The following DNM1 variants were observed in gnomAD, a reference collection of about 807,000 sequenced individuals.
DNM1 encodes the protein dynamin 1.
A neutral mutation model predicts 104.6 loss-of-function variants in DNM1; 29 were observed. The observed-to-expected ratio is 0.28, with a 90% confidence interval of 0.21 to 0.38. The LOEUF (loss-of-function observed/expected upper bound fraction) is 0.38, where lower values mean the gene tolerates loss of function less well. Among genes scored for constraint, DNM1 ranks in the 10% least tolerant of loss-of-function variants. The pLI, the probability that DNM1 is intolerant of heterozygous loss-of-function variation, is 1.00. For synonymous variants in DNM1, 445 were observed against 475.8 expected, an observed-to-expected ratio of 0.94 and a Z score of 0.84; for missense variants, 640 against 1,189.4, an observed-to-expected ratio of 0.54 and a Z score of 6.79.
At position 128,254,514 on chromosome 9, in the gene DNM1, C is replaced by T; in HGVS notation, c.2535-140C>T. On this transcript the variant is annotated intron_variant, in intron 21 of 21. Transcript: ENST00000372923. The surrounding 1 kb of genome is among the most constrained non-coding windows in gnomAD (Gnocchi z 6.1). ...CCCTTTTCCAGGAACCTTGCCACACCCACACCTGCAGCCTCCCCTCCCCGG... is the reference window on the plus strand; with the variant it reads ...CCCTTTTCCAGGAACCTTGCCACACTCACACCTGCAGCCTCCCCTCCCCGG... 1 of 1,540,684 alleles carries T rather than the reference C, an allele frequency of 6.5e-7. No homozygotes were observed. The highest frequency in any genetic ancestry group is 1.2e-5 in the South Asian group (1 of 85,882).
At position 128,247,543 on chromosome 9, in the gene DNM1, C is replaced by T; in HGVS notation, c.1893+57C>T. On this transcript the variant is annotated intron_variant, in intron 17 of 21. Transcript: ENST00000372923. This position sits in a 1 kb window ranked among gnomAD's most constrained non-coding sequence, Gnocchi z 5.1. ...GCATGATCCTAGGGCCCCTGGGGCA[C>T]CATCCTCAGTGATGCCAAGTCATGC... The T allele has an allele frequency of 7.4e-7, 1 of 1,344,244 alleles. No homozygotes were observed. Among genetic ancestry groups the T allele is most frequent in the Non-Finnish European group, 1.1e-6 (1 of 950,790 alleles). 83.3% of individuals were successfully genotyped at this position (1,344,244 alleles called of 1,614,324 possible).
Position 128,254,170 on chromosome 9 carries a change from C to A in DNM1, c.2535-484C>A, listed in dbSNP as rs1368441063. Reference sequence around the variant, plus strand: ...TGGGTTTTCTGAACACCCAGAGGGGCCTCCGGCGCTCCCTCCAGCCATCCC... The same window carrying A: ...TGGGTTTTCTGAACACCCAGAGGGGACTCCGGCGCTCCCTCCAGCCATCCC... On this transcript the variant is annotated intron_variant, in intron 21 of 21. Coordinates refer to ENST00000372923, the MANE Select transcript of DNM1 (RefSeq NM_004408.4). The surrounding 1 kb of genome is among the most constrained non-coding windows in gnomAD (Gnocchi z 6.1). The A allele has an allele frequency of 2.3e-6, 3 of 1,309,740 alleles. No homozygotes were observed. Among genetic ancestry groups the A allele is most frequent in the Non-Finnish European group, 1.9e-6 (2 of 1,036,700 alleles). The allele number at this position is 1,309,740 out of a possible 1,614,324, so 81.1% of individuals were successfully genotyped here.
In DNM1 at chr9:128,218,943, C is replaced by A; in HGVS notation, c.386-106C>A. 7 of 1,379,362 alleles carry A rather than the reference C, an allele frequency of 5.1e-6. No homozygotes were observed. Among genetic ancestry groups the A allele is most frequent in the Non-Finnish European group, 6.0e-6 (6 of 1,006,846 alleles). 85.4% of individuals were successfully genotyped at this position (1,379,362 alleles called of 1,614,324 possible). A position where few individuals can be genotyped will look rare whatever the true frequency, so the allele number is the denominator to read the frequency against. On this transcript the variant is annotated intron_variant, in intron 3 of 21. Coordinates refer to ENST00000372923, the MANE Select transcript of DNM1 (RefSeq NM_004408.4). This position sits in a 1 kb window ranked among gnomAD's most constrained non-coding sequence, Gnocchi z 4.8. The stretch of plus-strand genomic sequence containing the variant: ...CCCTGAGATTTCCTAGTCCCACCCA[C>A]CTGCCACCCTGCTCCCAAGCAGCTT...
intron 10 of DNM1, among the ~76,000 whole-genome samples, chr9:128,226,432 C>A (rs961036193): frequency 6.6e-6 from 1 of 152,390 alleles, no homozygotes; most frequent in South Asian, 2.1e-4. Flanking sequence ...GAGATGGCAG[C>A]TGTTTACTGA....
intron 1 of DNM1, among the ~76,000 whole-genome samples, chr9:128,207,163 G>A (rs924703835): frequency 6.6e-6 from 1 of 152,118 alleles, no homozygotes; most frequent in African/African-American, 2.4e-5. Flanking sequence ...AGCAGACTGG[G>A]GGGATGGGGG....
intron 12 of DNM1, 102 bp from the exon 13 acceptor site, chr9:128,239,626 G>A: frequency 1.6e-6 from 2 of 1,261,492 alleles, no homozygotes; most frequent in Non-Finnish European, 2.3e-6. Flanking sequence ...GTAGAGCCCA[G>A]GTCTGCTAGG....
Position 128,248,511 on chromosome 9 carries a change from T to G in DNM1, c.1906-72T>G. The stretch of plus-strand genomic sequence containing the variant: ...ATATTCTGGGTACCCTTGGAGGGGC[T>G]GAGATCCTGGGGATGCCTGGAGCCT... On this transcript the variant is annotated intron_variant, in intron 18 of 21. Coordinates refer to ENST00000372923, the MANE Select transcript of DNM1 (RefSeq NM_004408.4). This position sits in a 1 kb window ranked among gnomAD's most constrained non-coding sequence, Gnocchi z 5.6. 4.7e-5 allele frequency: 73 copies of G among 1,547,654 alleles called. No homozygotes were observed. Among genetic ancestry groups the G allele is most frequent in the Non-Finnish European group, 5.6e-5 (63 of 1,131,360 alleles).
intron 1 of DNM1, among the ~76,000 whole-genome samples, chr9:128,207,159 C>G (rs1157769662): frequency 1.3e-5 from 2 of 151,896 alleles, no homozygotes; most frequent in East Asian, 1.9e-4. Flanking sequence ...GAGGAGCAGA[C>G]TGGGGGGATG....
rs2502819 is a variant in DNM1, at chr9:128,211,941, T to A, written c.162-6290T>A. Reference sequence around the variant, plus strand: ...AACGTATCTAGTCATGACTGTGTTATTCTTTAATCACTCTGTCTCATGTGC... The same window carrying A: ...AACGTATCTAGTCATGACTGTGTTAATCTTTAATCACTCTGTCTCATGTGC... On this transcript the variant is annotated intron_variant, in intron 1 of 21. Coordinates refer to ENST00000372923, the MANE Select transcript of DNM1 (RefSeq NM_004408.4). 6.5e-3 allele frequency among the ~76,000 whole-genome samples: 988 copies of A among 152,314 alleles called. 7 individuals are homozygous for A. Among genetic ancestry groups the A allele is most frequent in the South Asian group, 0.011 (52 of 4,830 alleles).
At position 128,220,268 on chromosome 9, in the gene DNM1, T is replaced by G; in HGVS notation, c.776T>G (p.Phe259Cys). ...TAALAAERKFFLSHPSYRHLA... is the reference protein window; with the variant it reads ...TAALAAERKFCLSHPSYRHLA... ...GCCTTGGCTGCTGAACGAAAGTTCT[T>G]CCTCTCCCATCCATCTTATCGCCAC... Residue 259 changes from phenylalanine to cysteine, a missense_variant, in exon 6 of 22, where the codon TTC becomes TGC. Physicochemically the swap from Phe to Cys is radical, Grantham distance 205 (BLOSUM62 -2). Transcript: ENST00000372923. This position sits in a 1 kb window ranked among gnomAD's most constrained non-coding sequence, Gnocchi z 5.2. The G allele has an allele frequency of 6.2e-7, 1 of 1,614,244 alleles. No individual in the cohort carries two copies. Among genetic ancestry groups the G allele is most frequent in the Non-Finnish European group, 8.5e-7 (1 of 1,180,024 alleles).
intron 1 of DNM1, among the ~76,000 whole-genome samples, chr9:128,213,227 G>A (rs549455486): frequency 1.3e-5 from 2 of 151,988 alleles, no homozygotes; most frequent in East Asian, 3.9e-4. Flanking sequence ...GACTACAGGC[G>A]CACGCCACCA....
chr9:128,225,468 T>C (rs1198249748), intron 10 of DNM1, among the ~76,000 whole-genome samples: 1 of 152,156 alleles, frequency 6.6e-6, no homozygotes, highest in Non-Finnish European at 1.5e-5. Flanking sequence ...AGTTGTGCAG[T>C]GCATGGCCTG....
intron 20 of DNM1, 114 bp from the exon 21 acceptor site, chr9:128,250,611 C>T (rs748063175): frequency 3.6e-4 from 380 of 1,059,020 alleles, no homozygotes; most frequent in Non-Finnish European, 4.5e-4. Context: ...AGGGGTGCGG[C>T]AGGGAGGGGC....
chr9:128,247,241 G>T lies in DNM1; in HGVS notation c.1782-134G>T. 1.8e-6 allele frequency: 1 copy of T among 560,882 alleles called. No individual in the cohort carries two copies. The highest frequency in any genetic ancestry group is 3.2e-6 in the Non-Finnish European group (1 of 310,124). The allele number at this position is 560,882 out of a possible 1,614,324, so 34.7% of individuals were successfully genotyped here. On this transcript the variant is annotated intron_variant, in intron 16 of 21. Coordinates refer to ENST00000372923, the MANE Select transcript of DNM1 (RefSeq NM_004408.4). This position sits in a 1 kb window ranked among gnomAD's most constrained non-coding sequence, Gnocchi z 5.1. The stretch of plus-strand genomic sequence containing the variant: ...GAGGAAACTGAGGCTGAGAGGAAGG[G>T]ACTTGCACAGGGTCACACAGCTGGG...
At position 128,254,572 on chromosome 9, in the gene DNM1, C is replaced by T. The variant is rs1394835914; in HGVS notation, c.2535-82C>T. The T allele has an allele frequency of 1.2e-5, 19 of 1,588,682 alleles. No homozygotes were observed. Among genetic ancestry groups the T allele is most frequent in the Admixed American group, 5.1e-5 (3 of 59,380 alleles). On this transcript the variant is annotated intron_variant, in intron 21 of 21. Transcript: ENST00000372923. The surrounding 1 kb of genome is among the most constrained non-coding windows in gnomAD (Gnocchi z 6.1). ...ACCACTGCTGCGGCGCGGCCGGCCC[C>T]GGCCGTGTGCTGCGCTTGCCTTACC... is the stretch of plus-strand genomic sequence containing the variant.
In DNM1 at chr9:128,219,160, A is replaced by G. The variant is rs1834791020; in HGVS notation, c.497A>G (p.Lys166Arg). ...GACATGCTTATGCAGTTTGTCACCA[A>G]GGAGAACTGCCTCATCCTGGCCGTG... Reference protein sequence around the residue: ...IRDMLMQFVTKENCLILAVSP... With the variant: ...IRDMLMQFVTRENCLILAVSP... Residue 166 changes from lysine to arginine, a missense_variant, in exon 4 of 22, where the codon AAG becomes AGG. Around this residue, in one of 7 missense-constraint regions of DNM1, gnomAD observed 172 missense variants for 335.3 expected, o/e 0.51. Transcript: ENST00000372923. 2 of 1,614,042 alleles carry G rather than the reference A, an allele frequency of 1.2e-6. No homozygotes were observed. Among genetic ancestry groups the G allele is most frequent in the South Asian group, 1.1e-5 (1 of 91,088 alleles).
Position 128,250,099 on chromosome 9 carries a change from C to T in DNM1, c.2077-16C>T, listed in dbSNP as rs750937541. ...GCATCAGGTCCCCACCTCCTTCCCT[C>T]TTTGCCTACTCGCAGACCAAGGAGT... On this transcript the variant is annotated splice_polypyrimidine_tract_variant and intron_variant, in intron 19 of 21. Transcript: ENST00000372923. The T allele has an allele frequency of 6.2e-7, 1 of 1,614,018 alleles. No individual in the cohort carries two copies. Among genetic ancestry groups the T allele is most frequent in the East Asian group, 2.2e-5 (1 of 44,882 alleles).
chr9:128,247,270 T>G lies in DNM1; in HGVS notation c.1782-105T>G. ...TGCACAGGGTCACACAGCTGGGAAA[T>G]GAGCTGGCCTCAGGCATGTTGACCC... On this transcript the variant is annotated intron_variant, in intron 16 of 21. Coordinates refer to ENST00000372923, the MANE Select transcript of DNM1 (RefSeq NM_004408.4). This position sits in a 1 kb window ranked among gnomAD's most constrained non-coding sequence, Gnocchi z 5.1. 1 of 673,664 alleles carries G rather than the reference T, an allele frequency of 1.5e-6. No individual in the cohort carries two copies. The highest frequency in any genetic ancestry group is 2.6e-6 in the Non-Finnish European group (1 of 382,410). 41.7% of individuals were successfully genotyped at this position (673,664 alleles called of 1,614,324 possible).
chr9:128,216,324 A>G (rs1228135198), intron 1 of DNM1, among the ~76,000 whole-genome samples: 2 of 152,024 alleles, frequency 1.3e-5, no homozygotes, highest in African/African-American at 2.4e-5. Context: ...TTGAATCCCC[A>G]CTCTGCTGTG....
Sources: gnomAD v4.1 joint callset for allele counts (sites outside exome capture counted in the v4.1 genomes callset) on GRCh38, gnomAD v4.1.1 for gene constraint, gnomAD v4.1.1 regional missense constraint, Gnocchi (gnomAD v3.1) non-coding constraint, MANE v1.5 for transcripts, NCBI Gene and HGNC (gene_info 2026-07-23, HGNC 2026-07-21) for gene names.